Variants in FOLH1 observed in about 807,000 individuals in gnomAD.
FOLH1 encodes the protein folate hydrolase 1.
Under a neutral mutation model 93.9 loss-of-function variants are expected in FOLH1, and 54 were observed. That is an observed-to-expected ratio of 0.57 (90% CI 0.46 to 0.72). The LOEUF (loss-of-function observed/expected upper bound fraction) is 0.72, where lower values mean the gene tolerates loss of function less well. Among genes scored for constraint, FOLH1 ranks in the 30% least tolerant of loss-of-function variants. The pLI is 0.00. For missense variants in FOLH1, 571 were observed against 892.5 expected, an observed-to-expected ratio of 0.64 and a Z score of 4.59; for synonymous variants, 249 against 303.6, an observed-to-expected ratio of 0.82 and a Z score of 1.87.
intron 3 of FOLH1, among the ~76,000 whole-genome samples, chr11:49,193,820 C>G (rs1021535926): frequency 6.6e-6 from 1 of 152,072 alleles, no homozygotes; most frequent in Admixed American, 6.6e-5. Context: ...AGCTGGTTCA[C>G]ATAATGGAAT....
chr11:49,183,644 C>T (rs1420754973), intron 6 of FOLH1, among the ~76,000 whole-genome samples: 1 of 152,006 alleles, frequency 6.6e-6, no homozygotes, highest in African/African-American at 2.4e-5. Flanking sequence ...AATGAATAAA[C>T]AATCCGTAGT....
chr11:49,188,706 T>G (rs1861692843), intron 4 of FOLH1, among the ~76,000 whole-genome samples: 1 of 152,130 alleles, frequency 6.6e-6, no homozygotes, highest in Non-Finnish European at 1.5e-5. Context: ...GAACAAATTA[T>G]TGCTAGAATG....
At chr11:49,156,947 T>A in intron 14 of FOLH1, 140 bp from the exon 15 acceptor site, 2 of 1,408,436 alleles carry the variant, frequency 1.4e-6, no homozygotes, top group Non-Finnish European at 1.9e-6. Flanking sequence ...AGCAAAAACA[T>A]GAAAAGAATA....
At chr11:49,193,553 A>G (rs548892785) in intron 3 of FOLH1, among the ~76,000 whole-genome samples, 11 of 152,338 alleles carry the variant, frequency 7.2e-5, no homozygotes, top group Admixed American at 3.9e-4. Flanking sequence ...AAAAAAGTAC[A>G]TGATTGGGGA....
At chr11:49,157,371 C>T (rs2773225) in intron 14 of FOLH1, among the ~76,000 whole-genome samples, 2 of 151,974 alleles carry the variant, frequency 1.3e-5, no homozygotes, top group African/African-American at 4.8e-5. Context: ...TTACTTTTCA[C>T]CATTATCTCT....
In FOLH1 at chr11:49,146,707, C is replaced by G; in HGVS notation, c.*49G>C. On this transcript the variant is annotated 3_prime_UTR_variant, in exon 19 of 19. Coordinates refer to ENST00000256999, the MANE Select transcript of FOLH1 (RefSeq NM_004476.3). ...ATCAATATACCCATTACGATTCTTT[C>G]TGAGTGACATACCACACAAATTCAA... 6.5e-7 allele frequency: 1 copy of G among 1,532,476 alleles called. No homozygotes were observed. Among genetic ancestry groups the G allele is most frequent in the Non-Finnish European group, 8.8e-7 (1 of 1,140,258 alleles). 94.9% of individuals were successfully genotyped at this position (1,532,476 alleles called of 1,614,324 possible). A position where few individuals can be genotyped will look rare whatever the true frequency, so the allele number is the denominator to read the frequency against.
intron 17 of FOLH1, among the ~76,000 whole-genome samples, chr11:49,153,396 AAAAT>A (rs1404765041): frequency 1.3e-5 from 2 of 151,422 alleles, no homozygotes; most frequent in Non-Finnish European, 2.9e-5. Flanking sequence ...CATGTTTTGA[AAAAT>A]AAATAGTCTG....
At position 49,146,791 on chromosome 11, in the gene FOLH1, G is replaced by T. The variant is rs1456789266; in HGVS notation, c.2218C>A (p.Gln740Lys). The T allele has an allele frequency of 6.2e-7, 1 of 1,613,020 alleles. No homozygotes were observed. Among genetic ancestry groups the T allele is most frequent in the Non-Finnish European group, 8.5e-7 (1 of 1,179,472 alleles). Reference sequence around the variant, plus strand: ...TCACTCAAAGTCTCTGCAGCTGCCTGCACTGTGAAGGCTGCAACATAAATC... The same window carrying T: ...TCACTCAAAGTCTCTGCAGCTGCCTTCACTGTGAAGGCTGCAACATAAATC... ...RQIYVAAFTVQAAAETLSEVA is the reference protein window; with the variant it reads ...RQIYVAAFTVKAAAETLSEVA The change falls in exon 19 of 19, where the codon CAG becomes AAG. Residue 740 changes from glutamine (Q) to lysine (K), a missense_variant. Gln to Lys is a moderately conservative substitution (Grantham distance 53, BLOSUM62 1). Coordinates refer to ENST00000256999, the MANE Select transcript of FOLH1 (RefSeq NM_004476.3).
rs1374394543 is a variant in FOLH1 at position 49,186,520 on chromosome 11, A to T, written c.639+124T>A. 59 of 1,119,302 alleles carry T rather than the reference A, an allele frequency of 5.3e-5. No homozygotes were observed. The East Asian group carries it at 1.4e-3, about 27-fold the overall frequency. 69.3% of individuals were successfully genotyped at this position (1,119,302 alleles called of 1,614,324 possible). ...AATGTGTCCTCTCTGTAAGGTGGGCATGTCACAGAATACAAGAAAATAATG... is the reference window on the plus strand; with the variant it reads ...AATGTGTCCTCTCTGTAAGGTGGGCTTGTCACAGAATACAAGAAAATAATG... On this transcript the variant is annotated intron_variant, in intron 5 of 18. Coordinates refer to ENST00000256999, the MANE Select transcript of FOLH1 (RefSeq NM_004476.3).
intron 1 of FOLH1, chr11:49,206,454 G>A (rs964642960): frequency 2.1e-5 from 13 of 629,908 alleles, no homozygotes; most frequent in South Asian, 8.7e-5. Context: ...TAATCAGGAC[G>A]AAAATAAAAT....
At chr11:49,186,038 A>G in intron 5 of FOLH1, 183 bp from the exon 6 acceptor site, 1 of 898,190 alleles carries the variant, frequency 1.1e-6, no homozygotes. Flanking sequence ...TATAAGCTCT[A>G]AAAATCCTCA....
intron 17 of FOLH1, among the ~76,000 whole-genome samples, chr11:49,149,578 T>C (rs1168462281): frequency 6.6e-6 from 1 of 152,154 alleles, no homozygotes; most frequent in Non-Finnish European, 1.5e-5. Context: ...TTTTTTTAAG[T>C]TTCTATAATT....
chr11:49,148,979 G>A (rs530105671), intron 17 of FOLH1, among the ~76,000 whole-genome samples: 58 of 152,066 alleles, frequency 3.8e-4, no homozygotes, highest in East Asian at 2.0e-4. Flanking sequence ...TGTGCACAAC[G>A]TGCAGGTTTG....
At chr11:49,196,071 T>G (rs1474476570) in intron 3 of FOLH1, among the ~76,000 whole-genome samples, 2 of 152,092 alleles carry the variant, frequency 1.3e-5, no homozygotes, top group Admixed American at 6.5e-5. Flanking sequence ...GGAGAATTGC[T>G]TGAACCCGGG....
rs1859585161 is a variant in FOLH1 at position 49,173,256 on chromosome 11, A to G, written c.1225+101T>C. 2.5e-6 allele frequency: 3 copies of G among 1,220,262 alleles called. No individual in the cohort carries two copies. In the South Asian group the frequency reaches 7.1e-5, roughly 29 times the overall value. The allele number at this position is 1,220,262 out of a possible 1,614,324, so 75.6% of individuals were successfully genotyped here. On this transcript the variant is annotated intron_variant, in intron 10 of 18. Transcript: ENST00000256999. ...AAAATTGTATTAGTATTTTTACCAA[A>G]CACATGTAATGGTTGAGGTAGTATT...
intron 13 of FOLH1, among the ~76,000 whole-genome samples, chr11:49,159,387 A>G (rs1270321332): frequency 1.3e-5 from 2 of 152,176 alleles, no homozygotes; most frequent in African/African-American, 4.8e-5. Flanking sequence ...TATTGAGATA[A>G]TCATGTGGTT....
intron 3 of FOLH1, among the ~76,000 whole-genome samples, chr11:49,195,422 A>G (rs1365555277): frequency 6.6e-6 from 1 of 152,142 alleles, no homozygotes. Context: ...AAGGGAAGTT[A>G]AAGGGGAAAT....
chr11:49,158,718 G>A (rs1361122579), intron 13 of FOLH1, among the ~76,000 whole-genome samples: 2 of 152,072 alleles, frequency 1.3e-5, no homozygotes, highest in African/African-American at 4.8e-5. Context: ...AAATTACTTT[G>A]GGCAATATGG....
chr11:49,190,674 G>A (rs1476489321), intron 4 of FOLH1, among the ~76,000 whole-genome samples: 1 of 152,136 alleles, frequency 6.6e-6, no homozygotes, highest in Non-Finnish European at 1.5e-5. Flanking sequence ...AGATTATTGT[G>A]ACAGACACTA....
Sources: allele counts gnomAD v4.1 joint callset (sites outside exome capture counted in the v4.1 genomes callset), GRCh38; gene constraint gnomAD v4.1.1; transcripts MANE v1.5; gene names NCBI Gene and HGNC (gene_info 2026-07-23, HGNC 2026-07-21).